Variants in POT1 observed in about 807,000 individuals in gnomAD.
The protein encoded by POT1 is protection of telomeres protein 1.
POT1 carries 47 observed loss-of-function variants against 78.5 expected under a neutral mutation model. That is an observed-to-expected ratio of 0.60 (90% confidence interval 0.47 to 0.76). The LOEUF (loss-of-function observed/expected upper bound fraction) is 0.76. Among genes scored for constraint, POT1 ranks in the 30% least tolerant of loss-of-function variants. The pLI, the probability that POT1 is intolerant of heterozygous loss-of-function variation, is 0.00. For synonymous variants in POT1, 259 were observed against 260.7 expected (o/e 0.99, Z 0.06); for missense variants, 646 against 749.9 (o/e 0.86, Z 1.62).
At position 124,909,358 on chromosome 7, in the gene POT1, T is replaced by C. The variant is rs543608458; in HGVS notation, c.-154+6216A>G. Reference sequence around the variant, plus strand: ...CTTGTTAAAATTCATTTTAGTGTTTTAGGATTATTGTATTCAAATACAACG... The same window carrying C: ...CTTGTTAAAATTCATTTTAGTGTTTCAGGATTATTGTATTCAAATACAACG... On this transcript the variant is annotated intron_variant, in intron 3 of 18. Coordinates refer to ENST00000357628, the MANE Select transcript of POT1 (RefSeq NM_015450.3). Among the ~76,000 whole-genome samples, 3 of 152,026 alleles carry C rather than the reference T, an allele frequency of 2.0e-5. No homozygotes were observed. The East Asian group carries it at 5.8e-4, about 29-fold the overall frequency.
chr7:124,913,227 G>C (rs1260427780), intron 3 of POT1, among the ~76,000 whole-genome samples: 3 of 152,142 alleles, frequency 2.0e-5, no homozygotes, highest in Non-Finnish European at 4.4e-5. Context: ...TGAGATGTGG[G>C]TGGGGACACA....
At chr7:124,915,869 G>A (rs1797003455) in intron 2 of POT1, among the ~76,000 whole-genome samples, 2 of 152,188 alleles carry the variant, frequency 1.3e-5, no homozygotes, top group South Asian at 4.1e-4. Context: ...AATTTCCTAA[G>A]TAATCCTATT....
intron 7 of POT1, among the ~76,000 whole-genome samples, chr7:124,869,637 C>T (rs963692880): frequency 6.6e-6 from 1 of 152,090 alleles, no homozygotes; most frequent in Non-Finnish European, 1.5e-5. Flanking sequence ...GACTGGAGTG[C>T]AGTAGCACAA....
At chr7:124,878,115 G>A (rs1379499051) in intron 6 of POT1, among the ~76,000 whole-genome samples, 3 of 152,062 alleles carry the variant, frequency 2.0e-5, no homozygotes, top group South Asian at 2.1e-4. Flanking sequence ...TGGATCACTA[G>A]TGGCCAGGAG....
intron 3 of POT1, among the ~76,000 whole-genome samples, chr7:124,907,279 G>A (rs1344353963): frequency 6.6e-6 from 1 of 152,080 alleles, no homozygotes; most frequent in Non-Finnish European, 1.5e-5. Context: ...GCCTTACAAA[G>A]AGTGAGCTCC....
intron 14 of POT1, among the ~76,000 whole-genome samples, chr7:124,835,845 G>A (rs1794888714): frequency 6.6e-6 from 1 of 152,116 alleles, no homozygotes; most frequent in Non-Finnish European, 1.5e-5. Flanking sequence ...ATAGATATGA[G>A]TAGTTCATGT....
intron 9 of POT1, among the ~76,000 whole-genome samples, chr7:124,857,209 T>A (rs989782126): frequency 3.3e-5 from 5 of 152,232 alleles, no homozygotes; most frequent in South Asian, 2.1e-4. Flanking sequence ...TACTGTTTTC[T>A]TTTAATTTCC....
intron 7 of POT1, among the ~76,000 whole-genome samples, chr7:124,869,577 C>A (rs1478210982): frequency 6.6e-6 from 1 of 151,892 alleles, no homozygotes; most frequent in African/African-American, 2.4e-5. Context: ...GATAATATTT[C>A]TTTTTATTTA....
intron 8 of POT1, among the ~76,000 whole-genome samples, chr7:124,861,879 G>A (rs1315332449): frequency 1.3e-5 from 2 of 152,080 alleles, no homozygotes; most frequent in Non-Finnish European, 1.5e-5. Context: ...CCCATTGCTT[G>A]TTTTTGTCAG....
intron 2 of POT1, among the ~76,000 whole-genome samples, chr7:124,923,393 T>C (rs1180474892): frequency 1.3e-5 from 2 of 151,554 alleles, no homozygotes; most frequent in African/African-American, 4.8e-5. Context: ...ATTCAAAAGA[T>C]TCAATAACAG....
intron 8 of POT1, among the ~76,000 whole-genome samples, chr7:124,861,964 T>C (rs943117534): frequency 4.6e-5 from 7 of 152,190 alleles, no homozygotes; most frequent in African/African-American, 1.2e-4. Flanking sequence ...CTGGTCCATA[T>C]ATCTGCTTTG....
At chr7:124,863,705 G>A (rs1795655784) in intron 7 of POT1, 65 bp from the exon 8 acceptor site, 5 of 1,224,652 alleles carry the variant, frequency 4.1e-6, no homozygotes, top group Non-Finnish European at 5.8e-6. Flanking sequence ...CACAACCTAC[G>A]AACCAAAGAA....
chr7:124,859,162 GT>G (rs1795523378), intron 8 of POT1, 50 bp from the exon 9 acceptor site: 1 of 1,387,354 alleles, frequency 7.2e-7, no homozygotes, highest in Middle Eastern at 1.9e-4. Flanking sequence ...AAAAATGCTT[GT>G]GCTAAAAAGT....
At chr7:124,843,796 T>A (rs1227832927) in intron 12 of POT1, among the ~76,000 whole-genome samples, 1 of 152,198 alleles carries the variant, frequency 6.6e-6, no homozygotes, top group African/African-American at 2.4e-5. Context: ...TTAACCTCAA[T>A]GGCGAAGACA....
Position 124,822,717 on chromosome 7 carries a change from CAAGCTGAT to C in POT1, c.*1237_*1244del. On this transcript the variant is annotated 3_prime_UTR_variant, in exon 19 of 19. Transcript: ENST00000357628. ...AATCAGTCTTTCTCATTGTCTCAAA[CAAGCTGAT>C]AAGTCGATGATGGGGGACATTGGTA... is the stretch of plus-strand genomic sequence containing the variant. 3.7e-6 allele frequency: 1 copy of C among 267,162 alleles called. No homozygotes were observed. Among genetic ancestry groups the C allele is most frequent in the South Asian group, 3.8e-5 (1 of 26,652 alleles). The allele number at this position is 267,162 out of a possible 1,614,324, so 16.5% of individuals were successfully genotyped here. A position where few individuals can be genotyped will look rare whatever the true frequency, so the allele number is the denominator to read the frequency against.
intron 9 of POT1, among the ~76,000 whole-genome samples, chr7:124,854,572 A>C (rs1298261525): frequency 6.6e-6 from 1 of 151,638 alleles, no homozygotes; most frequent in Non-Finnish European, 1.5e-5. Flanking sequence ...GAAAACCCAC[A>C]CTCCCAGGTG....
intron 7 of POT1, among the ~76,000 whole-genome samples, chr7:124,868,557 A>T (rs1795787664): frequency 1.3e-5 from 2 of 151,856 alleles, no homozygotes; most frequent in African/African-American, 4.8e-5. Context: ...TAAAGTAAGC[A>T]TCCACAGATT....
chr7:124,870,539 T>C (rs1795841379), intron 7 of POT1, among the ~76,000 whole-genome samples: 2 of 152,140 alleles, frequency 1.3e-5, no homozygotes, highest in African/African-American at 2.4e-5. Flanking sequence ...CTCCTAATCT[T>C]TGTATACATT....
chr7:124,912,403 T>C (rs1796908915), intron 3 of POT1, among the ~76,000 whole-genome samples: 1 of 152,106 alleles, frequency 6.6e-6, no homozygotes, highest in Non-Finnish European at 1.5e-5. Flanking sequence ...TACTCTTACT[T>C]TAAATATCTG....
Sources: allele counts gnomAD v4.1 joint callset (sites outside exome capture counted in the v4.1 genomes callset), GRCh38; gene constraint gnomAD v4.1.1; transcripts MANE v1.5; gene names NCBI Gene and HGNC (gene_info 2026-07-23, HGNC 2026-07-21).